DSCAM: variants seen among roughly 807,000 people sequenced by gnomAD.
DSCAM encodes DS cell adhesion molecule, also known as cell adhesion molecule DSCAM.
Under a neutral mutation model 217.7 loss-of-function variants are expected in DSCAM, and 47 were observed. The ratio of observed to expected loss-of-function variants is 0.22; its 90% CI spans 0.17 to 0.28. The LOEUF (loss-of-function observed/expected upper bound fraction) is 0.28, where lower values mean the gene tolerates loss of function less well. DSCAM is among the 10% of genes least tolerant of loss of function. DSCAM has a pLI of 1.00. For missense variants in DSCAM, 2,080 were observed against 2,618.3 expected (o/e 0.79, Z 4.49); for synonymous variants, 1,056 against 1,015.3 (o/e 1.04, Z -0.76).
intron 3 of DSCAM, among the ~76,000 whole-genome samples, chr21:40,514,967 T>G (rs1422866184): frequency 6.6e-6 from 1 of 152,294 alleles, no homozygotes; most frequent in East Asian, 1.9e-4. Context: ...GCCTATAGCT[T>G]GTGACGAAAG....
At chr21:40,316,490 A>C (rs1453037267) in intron 8 of DSCAM, among the ~76,000 whole-genome samples, 1 of 152,166 alleles carries the variant, frequency 6.6e-6, no homozygotes, top group Non-Finnish European at 1.5e-5. Flanking sequence ...GTGATTAGAA[A>C]ACTCTTCTCA....
At chr21:40,078,585 G>A (rs937423750) in intron 26 of DSCAM, 102 bp downstream of exon 26, 3 of 1,483,582 alleles carry the variant, frequency 2.0e-6, no homozygotes, top group African/African-American at 1.4e-5. Context: ...CGTGGGCACT[G>A]GTCAAACTAT....
chr21:40,294,012 C>T (rs1214939731), intron 10 of DSCAM, among the ~76,000 whole-genome samples: 1 of 152,080 alleles, frequency 6.6e-6, no homozygotes, highest in East Asian at 1.9e-4. Flanking sequence ...AAAATGTTTG[C>T]AGCAGTTATC....
At chr21:40,422,931 T>C (rs2075438431) in intron 3 of DSCAM, among the ~76,000 whole-genome samples, 1 of 152,234 alleles carries the variant, frequency 6.6e-6, no homozygotes, top group Non-Finnish European at 1.5e-5. Flanking sequence ...TACTAAGTAA[T>C]TATAACGACA....
chr21:40,595,311 A>G (rs1402240789), intron 3 of DSCAM, among the ~76,000 whole-genome samples: 2 of 151,890 alleles, frequency 1.3e-5, no homozygotes, highest in Non-Finnish European at 2.9e-5. Context: ...CCAGGAGATC[A>G]AGGCTGCAGT....
intron 3 of DSCAM, among the ~76,000 whole-genome samples, chr21:40,689,320 T>A (rs1223731229): frequency 1.3e-5 from 2 of 152,220 alleles, no homozygotes; most frequent in African/African-American, 4.8e-5. Context: ...GCTCATCTGT[T>A]AGAAGCAGGT....
chr21:40,119,852 G>A (rs1157095018), intron 20 of DSCAM, among the ~76,000 whole-genome samples: 1 of 152,094 alleles, frequency 6.6e-6, no homozygotes, highest in Non-Finnish European at 1.5e-5. Context: ...GAGTATCATT[G>A]TAGATACAGA....
At chr21:40,147,424 C>T (rs184467450) in intron 16 of DSCAM, among the ~76,000 whole-genome samples, 5 of 152,218 alleles carry the variant, frequency 3.3e-5, no homozygotes, top group South Asian at 2.1e-4. Flanking sequence ...TAATAGACAA[C>T]GCAGGTGTTT....
chr21:40,353,360 T>C, intron 5 of DSCAM, 105 bp downstream of exon 5: 1 of 1,472,006 alleles, frequency 6.8e-7, no homozygotes, highest in South Asian at 1.3e-5. Context: ...CTGGACTGTT[T>C]TGGGAGTTAA....
intron 1 of DSCAM, among the ~76,000 whole-genome samples, chr21:40,813,284 C>G (rs1013633897): frequency 6.6e-6 from 1 of 152,160 alleles, no homozygotes; most frequent in African/African-American, 2.4e-5. Flanking sequence ...GCAAGAGAAC[C>G]TATGAGACCA....
At chr21:40,339,440 A>C (rs780574852) in intron 6 of DSCAM, 25 bp from the exon 7 acceptor site, 2 of 1,565,756 alleles carry the variant, frequency 1.3e-6, no homozygotes, top group Admixed American at 1.8e-5. Context: ...ATTATGGAAG[A>C]AAGTGGCACA....
intron 3 of DSCAM, among the ~76,000 whole-genome samples, chr21:40,597,797 C>T (rs1178505190): frequency 6.6e-6 from 1 of 152,122 alleles, no homozygotes; most frequent in African/African-American, 2.4e-5. Context: ...CAGGCGTGAG[C>T]CACAGTGCCC....
At chr21:40,301,612 A>ACCACAGCCTTTATTACACTCG (rs1397748710) in intron 9 of DSCAM, among the ~76,000 whole-genome samples, 8 of 117,360 alleles carry the variant, frequency 6.8e-5, no homozygotes, top group East Asian at 3.4e-4. Flanking sequence ...TATTACGCTC[A>ACCACAGCCTTTATTACACTCG]TCTGGTATTG....
intron 2 of DSCAM, among the ~76,000 whole-genome samples, chr21:40,693,551 G>A (rs1480568139): frequency 6.6e-6 from 1 of 152,088 alleles, no homozygotes; most frequent in African/African-American, 2.4e-5. Context: ...TTATGATGAT[G>A]GCAAACTGCT....
At chr21:40,219,506 A>AT (rs1223173723) in intron 11 of DSCAM, among the ~76,000 whole-genome samples, 8 of 152,168 alleles carry the variant, frequency 5.3e-5, no homozygotes, top group African/African-American at 1.9e-4. Flanking sequence ...GAGAGAAACA[A>AT]TTTTTTATTA....
chr21:40,086,397 C>T (rs1374225970), intron 22 of DSCAM, among the ~76,000 whole-genome samples: 1 of 152,178 alleles, frequency 6.6e-6, no homozygotes, highest in African/African-American at 2.4e-5. Flanking sequence ...GATGAACCAA[C>T]TTTAAATGTA....
chr21:40,457,417 C>T lies in DSCAM; in HGVS notation c.509-88172G>A, dbSNP rs142389864. Among the ~76,000 whole-genome samples, 1,420 of 152,010 alleles carry T rather than the reference C, an allele frequency of 9.3e-3. 29 individuals carry two copies. Among genetic ancestry groups the T allele is most frequent in the African/African-American group, 0.032 (1,323 of 41,438 alleles). On this transcript the variant is annotated intron_variant, in intron 3 of 32. Coordinates refer to ENST00000400454, the MANE Select transcript of DSCAM (RefSeq NM_001389.5). ...GTCCCAGCTACTCAGGAGGCTGAAG[C>T]GGGAGGATTGCTTGAGCCCGGGAGT...
chr21:40,280,168 C>A (rs1257402257), intron 10 of DSCAM, among the ~76,000 whole-genome samples: 3 of 142,052 alleles, frequency 2.1e-5, no homozygotes, highest in African/African-American at 8.0e-5. Flanking sequence ...AAGTTCACAG[C>A]AGATTTTGGT....
At chr21:40,275,516 C>T (rs1001626469) in intron 11 of DSCAM, among the ~76,000 whole-genome samples, 2 of 152,190 alleles carry the variant, frequency 1.3e-5, no homozygotes, top group East Asian at 1.9e-4. Flanking sequence ...TTGCCAGTTA[C>T]CAATGTATGA....
Sources: allele counts gnomAD v4.1 joint callset (sites outside exome capture counted in the v4.1 genomes callset), GRCh38; gene constraint gnomAD v4.1.1; transcripts MANE v1.5; gene names NCBI Gene and HGNC (gene_info 2026-07-23, HGNC 2026-07-21).